The following GUCY1A2 variants were observed in gnomAD, a reference collection of about 807,000 sequenced individuals.
GUCY1A2 encodes the protein guanylate cyclase 1 soluble subunit alpha 2, also known as guanylate cyclase soluble subunit alpha-2.
A neutral mutation model predicts 63.5 loss-of-function variants in GUCY1A2; 27 were observed. The ratio of observed to expected loss-of-function variants is 0.43; its 90% CI spans 0.31 to 0.59. The LOEUF is 0.59. GUCY1A2 is among the 20% of genes least tolerant of loss of function. The probability of loss-of-function intolerance (pLI) is 0.11; values close to 1 mark genes in which losing one functional copy is unlikely to be tolerated. For missense variants in GUCY1A2, 768 were observed against 913.3 expected, an observed-to-expected ratio of 0.84 and a Z score of 2.05; for synonymous variants, 364 against 343.5, an observed-to-expected ratio of 1.06 and a Z score of -0.66.
intron 4 of GUCY1A2, among the ~76,000 whole-genome samples, chr11:106,937,267 C>A (rs1565337094): frequency 6.6e-6 from 1 of 152,132 alleles, no homozygotes; most frequent in Non-Finnish European, 1.5e-5. Context: ...TGCATCTCCT[C>A]AATGAGCACA....
At chr11:106,775,379 T>C (rs535632247) in intron 6 of GUCY1A2, among the ~76,000 whole-genome samples, 2 of 152,190 alleles carry the variant, frequency 1.3e-5, no homozygotes, top group African/African-American at 4.8e-5. Context: ...AATTTGAGGA[T>C]AGGATTGAAG....
intron 4 of GUCY1A2, among the ~76,000 whole-genome samples, chr11:106,834,697 G>A (rs1437449917): frequency 6.6e-6 from 1 of 151,938 alleles, no homozygotes; most frequent in Non-Finnish European, 1.5e-5. Flanking sequence ...AATCTCCAAG[G>A]GGCCTAAGCA....
intron 5 of GUCY1A2, among the ~76,000 whole-genome samples, chr11:106,790,610 G>A (rs1167827204): frequency 2.0e-5 from 3 of 151,962 alleles, no homozygotes; most frequent in Non-Finnish European, 4.4e-5. Context: ...CTCACTTGAA[G>A]CCAGTGCATC....
chr11:106,874,741 G>A (rs1312912548), intron 4 of GUCY1A2, among the ~76,000 whole-genome samples: 1 of 151,568 alleles, frequency 6.6e-6, no homozygotes, highest in Non-Finnish European at 1.5e-5. Flanking sequence ...GTTATATGGG[G>A]TGATAAGAAA....
At chr11:106,878,755 T>C (rs190097352) in intron 4 of GUCY1A2, among the ~76,000 whole-genome samples, 45 of 144,544 alleles carry the variant, frequency 3.1e-4, no homozygotes, top group African/African-American at 1.0e-3. Flanking sequence ...ATAGCAAACC[T>C]GCACGTGTAC....
intron 4 of GUCY1A2, among the ~76,000 whole-genome samples, chr11:106,882,467 G>A (rs931745181): frequency 6.6e-6 from 1 of 151,964 alleles, no homozygotes; most frequent in African/African-American, 2.4e-5. Context: ...CTGGGGTGGA[G>A]GGTGAAAGAG....
chr11:106,902,854 T>G (rs915349334), intron 4 of GUCY1A2, among the ~76,000 whole-genome samples: 3 of 152,176 alleles, frequency 2.0e-5, no homozygotes, highest in African/African-American at 7.2e-5. Context: ...TACAGGAGGA[T>G]GTGCATAGGT....
intron 5 of GUCY1A2, among the ~76,000 whole-genome samples, chr11:106,792,754 A>C (rs1427603182): frequency 1.3e-5 from 2 of 152,194 alleles, no homozygotes; most frequent in Non-Finnish European, 2.9e-5. Flanking sequence ...CAGTATTGAA[A>C]AAGAAATTAA....
chr11:106,993,768 C>T (rs779698233), intron 1 of GUCY1A2, among the ~76,000 whole-genome samples: 2 of 152,108 alleles, frequency 1.3e-5, no homozygotes, highest in Admixed American at 6.6e-5. Flanking sequence ...TTTAAGCACT[C>T]GTAAATACAG....
chr11:106,824,120 T>C, intron 4 of GUCY1A2: 1 of 1,514,088 alleles, frequency 6.6e-7, no homozygotes, highest in Non-Finnish European at 9.1e-7. Context: ...AAGCTAATCT[T>C]CTGAACAATG....
chr11:106,910,099 C>G (rs1006132935), intron 4 of GUCY1A2, among the ~76,000 whole-genome samples: 6 of 151,914 alleles, frequency 3.9e-5, no homozygotes, highest in Admixed American at 3.9e-4. Flanking sequence ...AACATACTTA[C>G]ACTAAAGAAT....
chr11:106,827,874 G>C, intron 4 of GUCY1A2: 1 of 1,591,396 alleles, frequency 6.3e-7, no homozygotes, highest in South Asian at 1.1e-5. Flanking sequence ...AGTCATGGGA[G>C]GGCGCGCTGC....
intron 4 of GUCY1A2, among the ~76,000 whole-genome samples, chr11:106,909,355 CTGTGTGTGTG>C (rs59067320): frequency 6.7e-5 from 8 of 120,042 alleles, no homozygotes; most frequent in African/African-American, 1.6e-4. Flanking sequence ...TGGTACTCAT[CTGTGTGTGTG>C]TGTGTGTGTG....
At chr11:106,952,137 G>A (rs937968623) in intron 3 of GUCY1A2, among the ~76,000 whole-genome samples, 1 of 152,172 alleles carries the variant, frequency 6.6e-6, no homozygotes, top group Non-Finnish European at 1.5e-5. Flanking sequence ...TTTGGTTACT[G>A]TAGCCTCGTA....
intron 4 of GUCY1A2, among the ~76,000 whole-genome samples, chr11:106,865,436 G>A (rs947030853): frequency 6.6e-6 from 1 of 151,880 alleles, no homozygotes; most frequent in Non-Finnish European, 1.5e-5. Context: ...CTTTTGAAAT[G>A]TGGCACATAT....
chr11:106,829,480 T>C (rs1053325668), intron 4 of GUCY1A2, among the ~76,000 whole-genome samples: 1 of 152,160 alleles, frequency 6.6e-6, no homozygotes, highest in Non-Finnish European at 1.5e-5. Flanking sequence ...AGCATCCTCA[T>C]TTGTAAGACT....
chr11:106,927,028 A>C (rs576712884), intron 4 of GUCY1A2, among the ~76,000 whole-genome samples: 1 of 151,320 alleles, frequency 6.6e-6, no homozygotes, highest in African/African-American at 2.4e-5. Context: ...AAAAACAAAA[A>C]AAAAATTAAC....
Position 106,680,565 on chromosome 11 carries a change from G to A in GUCY1A2, c.*6984C>T, listed in dbSNP as rs186526755. ...AATTAACTGGAAGGATAACTTCAGT[G>A]TAATTTAATAGATTCAAATTAAATA... is the stretch of plus-strand genomic sequence containing the variant. On this transcript the variant is annotated 3_prime_UTR_variant, in exon 8 of 8. Coordinates refer to ENST00000526355, the MANE Select transcript of GUCY1A2 (RefSeq NM_000855.3). 4.1e-5 allele frequency: 8 copies of A among 196,510 alleles called. No individual in the cohort carries two copies. The highest frequency in any genetic ancestry group is 1.8e-4 in the African/African-American group (8 of 43,384). 12.2% of individuals were successfully genotyped at this position (196,510 alleles called of 1,614,324 possible). A position where few individuals can be genotyped will look rare whatever the true frequency, so the allele number is the denominator to read the frequency against.
At chr11:106,738,500 T>C (rs1049674864) in intron 6 of GUCY1A2, among the ~76,000 whole-genome samples, 3 of 152,204 alleles carry the variant, frequency 2.0e-5, no homozygotes, top group African/African-American at 7.2e-5. Flanking sequence ...GCCTAGGTTT[T>C]CTTCTAGGGT....
Sources: allele counts gnomAD v4.1 joint callset (sites outside exome capture counted in the v4.1 genomes callset), GRCh38; gene constraint gnomAD v4.1.1; transcripts MANE v1.5; gene names NCBI Gene and HGNC (gene_info 2026-07-23, HGNC 2026-07-21).